Variants in CDC14B observed in about 807,000 individuals in gnomAD.
CDC14B encodes the protein cell division cycle 14B.
CDC14B carries 22 observed loss-of-function variants against 64.2 expected under a neutral mutation model. The observed-to-expected ratio is 0.34, with a 90% confidence interval of 0.24 to 0.49. The LOEUF (loss-of-function observed/expected upper bound fraction) is 0.49, where lower values mean the gene tolerates loss of function less well. CDC14B is among the 20% of genes least tolerant of loss of function. The pLI, the probability that CDC14B is intolerant of heterozygous loss-of-function variation, is 0.99. For synonymous variants in CDC14B, 191 were observed against 215.8 expected, an observed-to-expected ratio of 0.89 and a Z score of 1.01; for missense variants, 498 against 629.9, an observed-to-expected ratio of 0.79 and a Z score of 2.24.
At chr9:96,533,265 G>A (rs544924595) in intron 9 of CDC14B, among the ~76,000 whole-genome samples, 5 of 152,258 alleles carry the variant, frequency 3.3e-5, no homozygotes, top group South Asian at 4.1e-4. Context: ...CACCATGCCC[G>A]GCCTGGATTT....
chr9:96,599,698 A>G (rs1250922893), intron 1 of CDC14B, among the ~76,000 whole-genome samples: 1 of 152,116 alleles, frequency 6.6e-6, no homozygotes, highest in African/African-American at 2.4e-5. Context: ...TCATTTCAGG[A>G]AACCGGGTGA....
rs1209468211 is a variant in CDC14B, at chr9:96,502,796, A to G, written c.*957T>C. On this transcript the variant is annotated 3_prime_UTR_variant, in exon 14 of 14. Transcript: ENST00000375241. ...AGGCCACGTCAATGGCCTTAGGTGG[A>G]TCTCATAAGGGAAAAAAAAAATCCA... 4 of 398,120 alleles carry G rather than the reference A, an allele frequency of 1.0e-5. No homozygotes were observed. Among genetic ancestry groups the G allele is most frequent in the African/African-American group, 4.1e-5 (2 of 48,468 alleles). The allele number at this position is 398,120 out of a possible 1,614,324, so 24.7% of individuals were successfully genotyped here. A position where few individuals can be genotyped will look rare whatever the true frequency, so the allele number is the denominator to read the frequency against.
chr9:96,579,276 G>A (rs1020630995), intron 1 of CDC14B, among the ~76,000 whole-genome samples: 1 of 151,932 alleles, frequency 6.6e-6, no homozygotes, highest in African/African-American at 2.4e-5. Flanking sequence ...ATACAGGTGG[G>A]ACTGATATCC....
chr9:96,583,788 G>A (rs553715277), intron 1 of CDC14B, among the ~76,000 whole-genome samples: 2 of 152,068 alleles, frequency 1.3e-5, no homozygotes, highest in African/African-American at 4.8e-5. Context: ...GCGCGATCTA[G>A]GCTCCCTGCA....
At chr9:96,496,255 G>A (rs150080630), downstream of CDC14B, 132 of 496,128 alleles carry the variant, frequency 2.7e-4, no homozygotes, top group East Asian at 6.8e-3. Flanking sequence ...AGTGGGCAAC[G>A]GGCGTGTCCA....
At position 96,523,899 on chromosome 9, in the gene CDC14B, G is replaced by A. The variant is rs16911087; in HGVS notation, c.947-174C>T. 8.2e-3 allele frequency among the ~76,000 whole-genome samples: 1,243 copies of A among 152,238 alleles called. 17 individuals carry two copies. Among genetic ancestry groups the A allele is most frequent in the African/African-American group, 0.028 (1,173 of 41,532 alleles). ...GAGAGGTTTTTAAATACTGATGCCC[G>A]GTCTCACATCCGGAATGTATTTATT... On this transcript the variant is annotated intron_variant, in intron 9 of 13. Transcript: ENST00000375241.
chr9:96,575,459 T>C (rs544009458), intron 1 of CDC14B, among the ~76,000 whole-genome samples: 2 of 152,280 alleles, frequency 1.3e-5, no homozygotes, highest in South Asian at 4.1e-4. Flanking sequence ...TGAAATACTT[T>C]GTAAGTTCTT....
chr9:96,510,867 C>T (rs537896950), intron 12 of CDC14B, among the ~76,000 whole-genome samples: 18 of 152,274 alleles, frequency 1.2e-4, no homozygotes, highest in African/African-American at 4.3e-4. Context: ...CACTTACTCC[C>T]AAAGTGCTGG....
intron 1 of CDC14B, among the ~76,000 whole-genome samples, chr9:96,592,139 A>C (rs1035368338): frequency 2.6e-5 from 4 of 152,130 alleles, no homozygotes; most frequent in Admixed American, 6.5e-5. Context: ...AGTACAGTGG[A>C]AAAATCACAG....
intron 1 of CDC14B, among the ~76,000 whole-genome samples, chr9:96,589,960 CAAA>C (rs112169156): frequency 1.0e-5 from 1 of 98,442 alleles, no homozygotes; most frequent in African/African-American, 3.8e-5. Flanking sequence ...GACTCCATCT[CAAA>C]AAAAAAAAAA....
At chr9:96,604,544 C>A (rs1433930265) in intron 1 of CDC14B, among the ~76,000 whole-genome samples, 1 of 151,210 alleles carries the variant, frequency 6.6e-6, no homozygotes, top group African/African-American at 2.4e-5. Flanking sequence ...CCACGCCCGG[C>A]TAATTTTGTA....
intron 13 of CDC14B, among the ~76,000 whole-genome samples, chr9:96,508,926 A>T (rs940570879): frequency 1.3e-5 from 2 of 152,210 alleles, no homozygotes; most frequent in African/African-American, 4.8e-5. Flanking sequence ...CATGTCTATT[A>T]GAAGAGATCG....
intron 12 of CDC14B, among the ~76,000 whole-genome samples, chr9:96,513,723 C>T (rs1029531127): frequency 6.6e-6 from 1 of 152,230 alleles, no homozygotes; most frequent in Non-Finnish European, 1.5e-5. Context: ...CTGTCCACTC[C>T]GGACACCACA....
chr9:96,616,324 CA>C (rs954565843), intron 1 of CDC14B, among the ~76,000 whole-genome samples: 1 of 149,092 alleles, frequency 6.7e-6, no homozygotes, highest in Non-Finnish European at 1.5e-5. Flanking sequence ...GACTCCGTCT[CA>C]AAAAAAAAGA....
chr9:96,575,117 C>T (rs1275241679), intron 1 of CDC14B, among the ~76,000 whole-genome samples: 1 of 152,158 alleles, frequency 6.6e-6, no homozygotes, highest in South Asian at 2.1e-4. Flanking sequence ...ACATGTCCTC[C>T]GGAGATAAGA....
At chr9:96,495,704 C>T (rs1048121609), downstream of CDC14B, among the ~76,000 whole-genome samples, 1 of 152,124 alleles carries the variant, frequency 6.6e-6, no homozygotes, top group Non-Finnish European at 1.5e-5. Context: ...ATGGGAACGC[C>T]GTGTGGCCTA....
Position 96,619,270 on chromosome 9 carries a change from G to C in CDC14B, c.109C>G (p.Gln37Glu). 1 of 1,359,794 alleles carries C rather than the reference G, an allele frequency of 7.4e-7. No homozygotes were observed. The allele number at this position is 1,359,794 out of a possible 1,614,324, so 84.2% of individuals were successfully genotyped here. A position where few individuals can be genotyped will look rare whatever the true frequency, so the allele number is the denominator to read the frequency against. ...GVKKIRSSTQ[Q>E]DPRRRDPQDD... is the part of the protein sequence containing the mutation. ...TGGGGGTCCCGGCGGCGCGGGTCTTGCTGCGTGGAGCTGCGGATCTTCTTC... is the reference window on the plus strand; with the variant it reads ...TGGGGGTCCCGGCGGCGCGGGTCTTCCTGCGTGGAGCTGCGGATCTTCTTC... The change falls in exon 1 of 14, where the codon CAA (glutamine) becomes GAA (glutamate). Residue 37 changes from glutamine (Q) to glutamate (E), a missense_variant. By Grantham distance (29) the Gln-to-Glu change is conservative (BLOSUM62 2). Transcript: ENST00000375241.
At chr9:96,544,088 G>A (rs371047315) in intron 5 of CDC14B, among the ~76,000 whole-genome samples, 1 of 151,930 alleles carries the variant, frequency 6.6e-6, no homozygotes, top group East Asian at 1.9e-4. Flanking sequence ...ATGGTGGCGC[G>A]CACCTGTAGT....
chr9:96,578,812 G>C (rs931203259), intron 1 of CDC14B, among the ~76,000 whole-genome samples: 10 of 152,074 alleles, frequency 6.6e-5, no homozygotes, highest in Non-Finnish European at 1.3e-4. Context: ...TAACACATCA[G>C]TATTGGTTTC....
Sources: gnomAD v4.1 joint callset for allele counts (sites outside exome capture counted in the v4.1 genomes callset) on GRCh38, gnomAD v4.1.1 for gene constraint, MANE v1.5 for transcripts, NCBI Gene and HGNC (gene_info 2026-07-23, HGNC 2026-07-21) for gene names.